MRTFA: variants seen among roughly 807,000 people sequenced by gnomAD.
The protein encoded by MRTFA is myocardin-related transcription factor A.
A neutral mutation model predicts 83.5 loss-of-function variants in MRTFA; 20 were observed. That is an observed-to-expected ratio of 0.24 (90% CI 0.17 to 0.35). MRTFA has a LOEUF of 0.35. Ranked by LOEUF, MRTFA falls within the 10% of genes least tolerant of loss-of-function variation. The pLI is 1.00. For synonymous variants in MRTFA, 659 were observed against 541.2 expected (o/e 1.22, Z -3.02); for missense variants, 1,200 against 1,224.7 (o/e 0.98, Z 0.30).
At chr22:40,441,937 G>A (rs181877969) in intron 4 of MRTFA, among the ~76,000 whole-genome samples, 98 of 152,200 alleles carry the variant, frequency 6.4e-4, no homozygotes, top group Non-Finnish European at 9.6e-4. Context: ...TGATGACAGC[G>A]CAGGGGCCCC....
Position 40,636,634 on chromosome 22 carries a change from G to C in MRTFA, c.-240C>G, listed in dbSNP as rs1010617828. On this transcript the variant is annotated 5_prime_UTR_variant, in exon 1 of 15. Transcript: ENST00000355630. ...TGGCCAGCGGCAACCAAGAGGGTGG[G>C]AAAGATGGGACCGTCGCTCTCGCCG... 2 of 152,392 alleles carry C rather than the reference G, an allele frequency of 1.3e-5. No homozygotes were observed. The highest frequency in any genetic ancestry group is 2.9e-5 in the Non-Finnish European group (2 of 68,150). The allele number at this position is 152,392 out of a possible 1,614,324, so 9.4% of individuals were successfully genotyped here. A position where few individuals can be genotyped will look rare whatever the true frequency, so the allele number is the denominator to read the frequency against.
At chr22:40,486,285 C>T (rs977749594) in intron 3 of MRTFA, among the ~76,000 whole-genome samples, 6 of 152,098 alleles carry the variant, frequency 3.9e-5, no homozygotes, top group Non-Finnish European at 5.9e-5. Flanking sequence ...CCTGCAAGCC[C>T]GAACAGGAAA....
At chr22:40,481,336 C>A (rs1415120448) in intron 3 of MRTFA, among the ~76,000 whole-genome samples, 10 of 152,092 alleles carry the variant, frequency 6.6e-5, no homozygotes, top group African/African-American at 2.4e-4. Flanking sequence ...TGTCAGTTGG[C>A]TCGTTCATTC....
intron 3 of MRTFA, among the ~76,000 whole-genome samples, chr22:40,525,967 A>T (rs2054963933): frequency 6.6e-6 from 1 of 152,152 alleles, no homozygotes; most frequent in Admixed American, 6.6e-5. Context: ...AATAAAAGCA[A>T]GGTTTTACAA....
chr22:40,440,337 A>G (rs2053251902), intron 4 of MRTFA, among the ~76,000 whole-genome samples: 1 of 152,146 alleles, frequency 6.6e-6, no homozygotes, highest in Admixed American at 6.5e-5. Flanking sequence ...CAGATCATTC[A>G]TTCATCGAGT....
At chr22:40,444,007 C>T (rs2053330821) in intron 4 of MRTFA, among the ~76,000 whole-genome samples, 2 of 152,278 alleles carry the variant, frequency 1.3e-5, no homozygotes, top group African/African-American at 4.8e-5. Flanking sequence ...TGAGAAGTCC[C>T]TCTCCTACCA....
Position 40,572,100 on chromosome 22 carries a change from C to A in MRTFA, c.-21-19733G>T, listed in dbSNP as rs192124377. ...ATTATAACAAGTGATGGTGAAGATG[C>A]GGACAAACTGGAGTTCACGTATTAT... is the stretch of plus-strand genomic sequence containing the variant. On this transcript the variant is annotated intron_variant, in intron 2 of 14. Coordinates refer to ENST00000355630, the MANE Select transcript of MRTFA (RefSeq NM_020831.6). Among the ~76,000 whole-genome samples the A allele has an allele frequency of 7.9e-5, 12 of 151,690 alleles. No homozygotes were observed. In the East Asian group the frequency reaches 2.1e-3, roughly 27 times the overall value.
intron 1 of MRTFA, among the ~76,000 whole-genome samples, chr22:40,615,700 T>C (rs1056399975): frequency 3.3e-5 from 5 of 150,228 alleles, no homozygotes; most frequent in African/African-American, 1.2e-4. Context: ...TTTTTTTTTT[T>C]CTCTTTTGAG....
At chr22:40,634,353 G>A (rs778573354) in intron 1 of MRTFA, among the ~76,000 whole-genome samples, 13 of 152,246 alleles carry the variant, frequency 8.5e-5, no homozygotes, top group South Asian at 2.1e-4. Context: ...TTGGCCTCCC[G>A]AAGTGCTAGG....
At chr22:40,482,066 A>T (rs975179435) in intron 3 of MRTFA, among the ~76,000 whole-genome samples, 1 of 151,908 alleles carries the variant, frequency 6.6e-6, no homozygotes, top group African/African-American at 2.4e-5. Flanking sequence ...ATCTCAAAAA[A>T]AAAAAAAAAG....
At position 40,574,430 on chromosome 22, in the gene MRTFA, T is replaced by TATC. The variant is rs547505450; in HGVS notation, c.-22+20243_-22+20244insGAT. Among the ~76,000 whole-genome samples, 430 of 148,788 alleles carry TATC rather than the reference T, an allele frequency of 2.9e-3. 4 individuals carry two copies. Among genetic ancestry groups the TATC allele is most frequent in the African/African-American group, 1.0e-2 (409 of 41,036 alleles). ...TACAGCATTACACTGCATTAGTTAT[T>TATC]ATTATTATTATTTTTTTTTTTTGAG... On this transcript the variant is annotated intron_variant, in intron 2 of 14. Transcript: ENST00000355630.
At chr22:40,635,997 G>A (rs1037711209) in intron 1 of MRTFA, among the ~76,000 whole-genome samples, 1 of 152,192 alleles carries the variant, frequency 6.6e-6, no homozygotes, top group East Asian at 1.9e-4. Flanking sequence ...CAGATTTGCA[G>A]AGCCCTGTAC....
intron 4 of MRTFA, among the ~76,000 whole-genome samples, chr22:40,459,862 T>TATATATATACATATATATAC (rs796103400): frequency 8.2e-6 from 1 of 121,498 alleles, no homozygotes; most frequent in African/African-American, 3.1e-5. Context: ...TATATATATA[T>TATATATATACATATATATAC]ACACACATGA....
At position 40,590,680 on chromosome 22, in the gene MRTFA, GA is replaced by G. The variant is rs56366993; in HGVS notation, c.-22+3993del. On this transcript the variant is annotated intron_variant, in intron 2 of 14. Coordinates refer to ENST00000355630, the MANE Select transcript of MRTFA (RefSeq NM_020831.6). ...AGAACAAGACTCTGTCTCAAAAAAAGAAAAAAAAAAAAAAAAGGAAAAGCTC... is the reference window on the plus strand; with the variant it reads ...AGAACAAGACTCTGTCTCAAAAAAAGAAAAAAAAAAAAAAAGGAAAAGCTC... Among the ~76,000 whole-genome samples the G allele has an allele frequency of 4.1e-3, 334 of 81,350 alleles. 2 individuals are homozygous for G. The highest frequency in any genetic ancestry group is 0.01 in the South Asian group (25 of 2,436). 53.4% of individuals were successfully genotyped at this position (81,350 alleles called of 152,430 possible).
At chr22:40,600,969 C>T (rs2147395077) in intron 1 of MRTFA, among the ~76,000 whole-genome samples, 1 of 152,080 alleles carries the variant, frequency 6.6e-6, no homozygotes, top group Admixed American at 6.6e-5. Context: ...AGCAAGACTC[C>T]GTCTCAAAAA....
At chr22:40,614,967 A>G (rs1275461447) in intron 1 of MRTFA, among the ~76,000 whole-genome samples, 1 of 152,166 alleles carries the variant, frequency 6.6e-6, no homozygotes, top group Non-Finnish European at 1.5e-5. Flanking sequence ...GGTGTCTTCT[A>G]AAGAACAGAA....
At chr22:40,533,569 A>G (rs972096426) in intron 3 of MRTFA, 4 of 1,219,414 alleles carry the variant, frequency 3.3e-6, no homozygotes, top group Non-Finnish European at 4.1e-6. Flanking sequence ...AAGTTAGGAA[A>G]TTAGGATTTA....
chr22:40,484,136 T>A (rs541179248), intron 3 of MRTFA, among the ~76,000 whole-genome samples: 92 of 151,862 alleles, frequency 6.1e-4, no homozygotes, highest in Middle Eastern at 3.4e-3. Context: ...CTTATTCAAA[T>A]GTTTATGTAT....
chr22:40,608,328 TA>T (rs1159795481), intron 1 of MRTFA, among the ~76,000 whole-genome samples: 3 of 152,126 alleles, frequency 2.0e-5, no homozygotes, highest in Non-Finnish European at 4.4e-5. Context: ...TCATCTAACT[TA>T]AGGTCCTAAT....
Sources: gnomAD v4.1 joint callset for allele counts (sites outside exome capture counted in the v4.1 genomes callset) on GRCh38, gnomAD v4.1.1 for gene constraint, MANE v1.5 for transcripts, NCBI Gene and HGNC (gene_info 2026-07-23, HGNC 2026-07-21) for gene names.